RAP1A: variants seen among roughly 807,000 people sequenced by gnomAD.
RAP1A encodes the protein RAP1A, member of RAS oncogene family.
RAP1A carries 6 observed loss-of-function variants against 26.4 expected under a neutral mutation model. That is an observed-to-expected ratio of 0.23 (90% CI 0.12 to 0.45). RAP1A has a LOEUF of 0.45. Among genes scored for constraint, RAP1A ranks in the 20% least tolerant of loss-of-function variants. The pLI, the probability that RAP1A is intolerant of heterozygous loss-of-function variation, is 0.99. For synonymous variants in RAP1A, 73 were observed against 79.4 expected (o/e 0.92, Z 0.43); for missense variants, 121 against 217.2 (o/e 0.56, Z 2.78).
At position 111,571,540 on chromosome 1, in the gene RAP1A, C is replaced by A. The variant is rs140077866; in HGVS notation, c.-28+29031C>A. ...AATAACAAAAGGCACTCCTGTCAGT[C>A]GGGAAGTTCCAAGGGTTTTAGGAAC... On this transcript the variant is annotated intron_variant, in intron 1 of 7. Transcript: ENST00000356415. Among the ~76,000 whole-genome samples, 174 of 152,304 alleles carry A rather than the reference C, an allele frequency of 1.1e-3. 1 individual carries two copies. Among genetic ancestry groups the A allele is most frequent in the African/African-American group, 3.9e-3 (164 of 41,546 alleles).
chr1:111,631,579 T>C (rs975148066), intron 1 of RAP1A, among the ~76,000 whole-genome samples: 5 of 152,182 alleles, frequency 3.3e-5, no homozygotes, highest in Non-Finnish European at 7.4e-5. Flanking sequence ...ACGTGGGTAG[T>C]AAACTTCCAG....
intron 1 of RAP1A, among the ~76,000 whole-genome samples, chr1:111,589,149 T>C (rs1658428806): frequency 6.6e-6 from 1 of 152,262 alleles, no homozygotes; most frequent in Admixed American, 6.5e-5. Flanking sequence ...GAAACTAATT[T>C]ATTAGTTTTA....
chr1:111,542,290 G>C (rs1656862848), exon 1 of RAP1A: 1 of 552,048 alleles, frequency 1.8e-6, no homozygotes, highest in East Asian at 4.7e-5. Flanking sequence ...CTGCCGGTTC[G>C]AACACACGCG....
At position 111,678,763 on chromosome 1, in the gene RAP1A, T is replaced by G. The variant is rs1190224938; in HGVS notation, c.-27-12571T>G. Reference sequence around the variant, plus strand: ...TGCAGCACATGACTGTTCAGGTGGGTTTTTTTTTTTGTATCAACTTTTTAT... The same window carrying G: ...TGCAGCACATGACTGTTCAGGTGGGGTTTTTTTTTTGTATCAACTTTTTAT... On this transcript the variant is annotated intron_variant, in intron 1 of 7. Coordinates refer to ENST00000369709, the MANE Select transcript of RAP1A (RefSeq NM_002884.4). 4.6e-5 allele frequency among the ~76,000 whole-genome samples: 5 copies of G among 109,308 alleles called. No homozygotes were observed. In the South Asian group the frequency reaches 1.0e-3, roughly 23 times the overall value. 71.7% of individuals were successfully genotyped at this position (109,308 alleles called of 152,430 possible).
intron 1 of RAP1A, among the ~76,000 whole-genome samples, chr1:111,655,506 A>C (rs1571533925): frequency 6.6e-6 from 1 of 152,062 alleles, no homozygotes; most frequent in Non-Finnish European, 1.5e-5. Flanking sequence ...AACTTAGAGT[A>C]ATAAAATTTT....
At chr1:111,648,046 C>T (rs973386738) in intron 1 of RAP1A, among the ~76,000 whole-genome samples, 8 of 152,070 alleles carry the variant, frequency 5.3e-5, no homozygotes, top group African/African-American at 1.9e-4. Context: ...TGTCTGTACT[C>T]TTGTAGAGAA....
intron 1 of RAP1A, among the ~76,000 whole-genome samples, chr1:111,646,536 T>C (rs1015067077): frequency 5.3e-5 from 8 of 151,892 alleles, no homozygotes; most frequent in Non-Finnish European, 1.2e-4. Flanking sequence ...GTAGAACATC[T>C]TCTCTTTTTC....
At chr1:111,651,603 A>T (rs1660274095) in intron 1 of RAP1A, among the ~76,000 whole-genome samples, 1 of 151,168 alleles carries the variant, frequency 6.6e-6, no homozygotes, top group African/African-American at 2.4e-5. Flanking sequence ...TAGCCTCCCG[A>T]GTAGCTGGGA....
intron 1 of RAP1A, among the ~76,000 whole-genome samples, chr1:111,643,371 C>T (rs1467388642): frequency 6.6e-6 from 1 of 152,140 alleles, no homozygotes; most frequent in Non-Finnish European, 1.5e-5. Flanking sequence ...TTTTAGACGT[C>T]TTTTCTTTCT....
intron 1 of RAP1A, among the ~76,000 whole-genome samples, chr1:111,679,152 G>A (rs1454146236): frequency 6.6e-6 from 1 of 152,198 alleles, no homozygotes; most frequent in African/African-American, 2.4e-5. Context: ...GACCAACGCA[G>A]AAGGCAGGTG....
chr1:111,647,582 A>G (rs1660111439), intron 1 of RAP1A, among the ~76,000 whole-genome samples: 1 of 152,214 alleles, frequency 6.6e-6, no homozygotes, highest in Non-Finnish European at 1.5e-5. Context: ...AGGGACTATT[A>G]TAACATTTTT....
chr1:111,569,449 C>T (rs149991966), intron 1 of RAP1A, among the ~76,000 whole-genome samples: 39 of 152,012 alleles, frequency 2.6e-4, no homozygotes, highest in African/African-American at 9.2e-4. Context: ...GGGTCAGCAC[C>T]CCTAACCTAA....
intron 1 of RAP1A, among the ~76,000 whole-genome samples, chr1:111,607,799 CGGCTGGCCGGGCGGGGGGCTG>C (rs1557863830): frequency 8.1e-6 from 1 of 123,540 alleles, no homozygotes; most frequent in African/African-American, 3.2e-5. Context: ...CCGGACGGGG[CGGCTGGCCGGGCGGGGGGCTG>C]ACCCCCCCAC....
chr1:111,708,304 G>T (rs541128005), intron 6 of RAP1A, among the ~76,000 whole-genome samples: 2 of 152,120 alleles, frequency 1.3e-5, no homozygotes, highest in African/African-American at 2.4e-5. Flanking sequence ...ATGCGCCTCC[G>T]CATGTGATAC....
At chr1:111,663,614 T>C (rs1299268822) in intron 1 of RAP1A, among the ~76,000 whole-genome samples, 1 of 152,202 alleles carries the variant, frequency 6.6e-6, no homozygotes, top group Non-Finnish European at 1.5e-5. Context: ...ATCTAAATGG[T>C]CTCACCACAT....
intron 1 of RAP1A, among the ~76,000 whole-genome samples, chr1:111,664,373 C>CAAAAAAA (rs57610280): frequency 3.0e-3 from 269 of 89,794 alleles, no homozygotes; most frequent in Middle Eastern, 0.017. Context: ...GACTCCGTCT[C>CAAAAAAA]AAAAAAAAAA....
At chr1:111,703,957 C>T (rs1287882775) in intron 5 of RAP1A, among the ~76,000 whole-genome samples, 2 of 152,112 alleles carry the variant, frequency 1.3e-5, no homozygotes, top group Admixed American at 1.3e-4. Flanking sequence ...TGCCACCCTG[C>T]CTGGCTGATT....
At chr1:111,707,792 G>T (rs569718734) in intron 6 of RAP1A, among the ~76,000 whole-genome samples, 1 of 152,278 alleles carries the variant, frequency 6.6e-6, no homozygotes, top group African/African-American at 2.4e-5. Context: ...AATTAAAATA[G>T]TCTGCTTTTA....
chr1:111,619,712 G>T (rs563936106), upstream of RAP1A: 2 of 392,842 alleles, frequency 5.1e-6, no homozygotes, highest in Non-Finnish European at 9.0e-6. Context: ...CCCAGCCATC[G>T]CCAACTTGGA....
Sources: allele counts gnomAD v4.1 joint callset (sites outside exome capture counted in the v4.1 genomes callset), GRCh38; gene constraint gnomAD v4.1.1; transcripts MANE v1.5; gene names NCBI Gene and HGNC (gene_info 2026-07-23, HGNC 2026-07-21).